Variants in RGS6 observed in about 807,000 individuals in gnomAD.
RGS6 encodes the protein regulator of G protein signaling 6, also known as regulator of G-protein signaling 6.
Under a neutral mutation model 78.5 loss-of-function variants are expected in RGS6, and 30 were observed. That is an observed-to-expected ratio of 0.38 (90% CI 0.29 to 0.52). The LOEUF (loss-of-function observed/expected upper bound fraction) is 0.52, where lower values mean the gene tolerates loss of function less well. RGS6 is among the 20% of genes least tolerant of loss of function. RGS6 has a pLI of 0.85. For synonymous variants in RGS6, 206 were observed against 206.0 expected (o/e 1.00, Z 0.00); for missense variants, 495 against 609.7 (o/e 0.81, Z 1.98).
chr14:72,383,106 A>G (rs1048750277), intron 3 of RGS6, among the ~76,000 whole-genome samples: 1 of 148,494 alleles, frequency 6.7e-6, no homozygotes, highest in African/African-American at 2.5e-5. Flanking sequence ...GCATTTTGCA[A>G]TTAAAATTTT....
intron 17 of RGS6, among the ~76,000 whole-genome samples, chr14:72,545,829 TCA>T (rs1286400771): frequency 6.6e-6 from 1 of 152,114 alleles, no homozygotes; most frequent in African/African-American, 2.4e-5. Flanking sequence ...CAGGGAGGAC[TCA>T]CAGAGAACAG....
intron 3 of RGS6, among the ~76,000 whole-genome samples, chr14:72,434,074 A>T (rs2094788027): frequency 6.6e-6 from 1 of 152,210 alleles, no homozygotes; most frequent in South Asian, 2.1e-4. Flanking sequence ...AGTGACTGAC[A>T]TCTGTCATCC....
intron 1 of RGS6, among the ~76,000 whole-genome samples, chr14:71,933,485 G>C (rs2088264249): frequency 6.6e-6 from 1 of 152,202 alleles, no homozygotes; most frequent in Non-Finnish European, 1.5e-5. Flanking sequence ...TTCGCTTGGA[G>C]AGGATGACAA....
At chr14:72,335,428 G>C (rs2075850653) in intron 2 of RGS6, among the ~76,000 whole-genome samples, 1 of 152,132 alleles carries the variant, frequency 6.6e-6, no homozygotes. Flanking sequence ...TAGATTAATA[G>C]ACTACCAAGT....
At chr14:72,295,031 C>T (rs1343463716) in intron 2 of RGS6, among the ~76,000 whole-genome samples, 1 of 152,156 alleles carries the variant, frequency 6.6e-6, no homozygotes, top group African/African-American at 2.4e-5. Flanking sequence ...GTGGCTCACG[C>T]CTGTAATCCC....
chr14:72,007,865 T>A (rs1408597367), intron 2 of RGS6, among the ~76,000 whole-genome samples: 1 of 152,154 alleles, frequency 6.6e-6, no homozygotes, highest in Admixed American at 6.5e-5. Flanking sequence ...AAGGGGGTTG[T>A]GCTTGAAGAA....
chr14:72,530,203 G>T (rs755040586), intron 15 of RGS6, among the ~76,000 whole-genome samples: 3 of 152,184 alleles, frequency 2.0e-5, no homozygotes, highest in Non-Finnish European at 1.5e-5. Context: ...GAGATATTGA[G>T]AAGTCAGAAC....
At chr14:72,424,169 A>T (rs1287898722) in intron 3 of RGS6, among the ~76,000 whole-genome samples, 1 of 152,184 alleles carries the variant, frequency 6.6e-6, no homozygotes, top group Non-Finnish European at 1.5e-5. Flanking sequence ...AGAAGCCCAC[A>T]TGCCCTCTCC....
chr14:72,520,044 G>A (rs982294544), intron 15 of RGS6, among the ~76,000 whole-genome samples: 8 of 152,142 alleles, frequency 5.3e-5, no homozygotes, highest in African/African-American at 1.2e-4. Context: ...ATCAGTACAC[G>A]TCTGATCTTG....
chr14:72,384,163 A>G (rs2087121928), intron 3 of RGS6, among the ~76,000 whole-genome samples: 1 of 152,242 alleles, frequency 6.6e-6, no homozygotes, highest in Non-Finnish European at 1.5e-5. Context: ...TTTTAAAAAA[A>G]TAAGTTAAAA....
chr14:72,217,909 A>G (rs1272130417), intron 2 of RGS6, among the ~76,000 whole-genome samples: 1 of 152,228 alleles, frequency 6.6e-6, no homozygotes, highest in African/African-American at 2.4e-5. Context: ...ACATTTACAC[A>G]TATACATACA....
the RGS6 span, among the ~76,000 whole-genome samples, chr14:71,881,141 T>G: frequency 6.6e-6 from 1 of 152,194 alleles, no homozygotes; most frequent in Non-Finnish European, 1.5e-5. Flanking sequence ...TTTGGCCAAT[T>G]TATTCCATTT....
intron 2 of RGS6, among the ~76,000 whole-genome samples, chr14:72,164,012 A>G (rs2153666763): frequency 6.6e-6 from 1 of 152,234 alleles, no homozygotes; most frequent in East Asian, 1.9e-4. Context: ...TGCAAAGGGA[A>G]TGGTGAATAA....
the RGS6 span, among the ~76,000 whole-genome samples, chr14:72,588,412 G>A: frequency 6.6e-6 from 1 of 152,170 alleles, no homozygotes; most frequent in Non-Finnish European, 1.5e-5. Context: ...GTAAGAGTAT[G>A]AGCTTAAAAT....
At chr14:72,287,788 A>G (rs1362507245) in intron 2 of RGS6, among the ~76,000 whole-genome samples, 2 of 152,210 alleles carry the variant, frequency 1.3e-5, no homozygotes, top group Admixed American at 1.3e-4. Flanking sequence ...AATTCCTTCT[A>G]TACCTAGTTT....
intron 2 of RGS6, among the ~76,000 whole-genome samples, chr14:72,261,184 C>T (rs2058087701): frequency 6.6e-6 from 1 of 152,212 alleles, no homozygotes; most frequent in Admixed American, 6.5e-5. Context: ...TGACTGCCTG[C>T]CTTGCACAGC....
chr14:72,542,592 G>A (rs2153514687), intron 17 of RGS6, among the ~76,000 whole-genome samples: 1 of 152,166 alleles, frequency 6.6e-6, no homozygotes, highest in Non-Finnish European at 1.5e-5. Context: ...ATGGAAACAG[G>A]GGAGTGAAGC....
At chr14:71,956,888 G>C (rs1017983874) in intron 1 of RGS6, among the ~76,000 whole-genome samples, 1 of 152,186 alleles carries the variant, frequency 6.6e-6, no homozygotes, top group South Asian at 2.1e-4. Context: ...TGAAGGTGAA[G>C]CGAAGGGTAG....
chr14:72,394,812 G>A (rs1264392500), intron 3 of RGS6, among the ~76,000 whole-genome samples: 1 of 152,192 alleles, frequency 6.6e-6, no homozygotes, highest in Non-Finnish European at 1.5e-5. Context: ...AGTAAAGACA[G>A]GCGTAAGAAA....
Sources: gnomAD v4.1 joint callset for allele counts (sites outside exome capture counted in the v4.1 genomes callset) on GRCh38, gnomAD v4.1.1 for gene constraint, MANE v1.5 for transcripts, NCBI Gene and HGNC (gene_info 2026-07-23, HGNC 2026-07-21) for gene names.